SMURF2: variants seen among roughly 807,000 people sequenced by gnomAD.
SMURF2 encodes E3 ubiquitin-protein ligase SMURF2.
In SMURF2, 48 loss-of-function variants were observed where a neutral mutation model predicts 109.6. The observed-to-expected ratio is 0.44, with a 90% CI of 0.35 to 0.56. The LOEUF (loss-of-function observed/expected upper bound fraction) is 0.56. Ranked by LOEUF, SMURF2 falls within the 20% of genes least tolerant of loss-of-function variation. SMURF2 has a pLI of 0.01. For synonymous variants in SMURF2, 288 were observed against 317.1 expected, an observed-to-expected ratio of 0.91 and a Z score of 0.97; for missense variants, 575 against 909.0, an observed-to-expected ratio of 0.63 and a Z score of 4.72.
intron 4 of SMURF2, among the ~76,000 whole-genome samples, chr17:64,592,268 A>T (rs1331119761): frequency 2.6e-5 from 4 of 152,218 alleles, no homozygotes; most frequent in African/African-American, 9.7e-5. Flanking sequence ...TGAACTAGGG[A>T]TAATGTCAGA....
rs1422696582 is a variant in SMURF2 at position 64,616,358 on chromosome 17, A to C, written c.53-9718T>G. Among the ~76,000 whole-genome samples the C allele has an allele frequency of 1.3e-5, 2 of 152,092 alleles. 1 individual carries two copies. Among genetic ancestry groups the C allele is most frequent in the African/African-American group, 4.8e-5 (2 of 41,422 alleles). On this transcript the variant is annotated intron_variant, in intron 1 of 18. Coordinates refer to ENST00000262435, the MANE Select transcript of SMURF2 (RefSeq NM_022739.4). ...AGACTTACCAGTGATTTTGCTTTTA[A>C]GAGCTAGAGTTGGCTGGGCACGGTG...
chr17:64,648,083 A>C (rs1206763799), intron 1 of SMURF2, among the ~76,000 whole-genome samples: 32 of 149,396 alleles, frequency 2.1e-4, no homozygotes, highest in East Asian at 7.8e-4. Flanking sequence ...AAAAAAAAAA[A>C]AAAAAAAAAC....
chr17:64,649,971 G>A (rs1167156907), intron 1 of SMURF2, among the ~76,000 whole-genome samples: 1 of 151,778 alleles, frequency 6.6e-6, no homozygotes, highest in Non-Finnish European at 1.5e-5. Flanking sequence ...TGCCTAGCTA[G>A]GATTTCAATC....
At chr17:64,574,630 C>T (rs564865330) in intron 9 of SMURF2, among the ~76,000 whole-genome samples, 1 of 152,186 alleles carries the variant, frequency 6.6e-6, no homozygotes, top group South Asian at 2.1e-4. Flanking sequence ...TCCTCCAAAA[C>T]AAAAGATGTA....
At chr17:64,575,257 A>G (rs777883130) in intron 9 of SMURF2, among the ~76,000 whole-genome samples, 12 of 151,834 alleles carry the variant, frequency 7.9e-5, no homozygotes, top group Non-Finnish European at 1.5e-4. Context: ...AGGTTCAAGC[A>G]ATTCTTCTTC....
At chr17:64,631,952 C>CT (rs1316727896) in intron 1 of SMURF2, among the ~76,000 whole-genome samples, 2 of 30,740 alleles carry the variant, frequency 6.5e-5, no homozygotes, top group Non-Finnish European at 1.3e-4. Context: ...CTAAGACTCT[C>CT]TTTTTTTGCG....
Position 64,661,901 on chromosome 17 carries a change from CG to C in SMURF2, c.-22del. Reference sequence around the variant, plus strand: ...GACATGTCCCCGGCGGCGGGGGCGGCGGGGGCGGCGGGCGGCACGGGGGCGA... The same window carrying C: ...GACATGTCCCCGGCGGCGGGGGCGGCGGGGCGGCGGGCGGCACGGGGGCGA... On this transcript the variant is annotated 5_prime_UTR_variant, in exon 1 of 19. Coordinates refer to ENST00000262435, the MANE Select transcript of SMURF2 (RefSeq NM_022739.4). 1 of 1,181,646 alleles carries C rather than the reference CG, an allele frequency of 8.5e-7. No homozygotes were observed. Among genetic ancestry groups the C allele is most frequent in the South Asian group, 4.2e-5 (1 of 23,688 alleles). The allele number at this position is 1,181,646 out of a possible 1,614,324, so 73.2% of individuals were successfully genotyped here.
At chr17:64,590,144 CTT>C (rs200015210) in intron 5 of SMURF2, among the ~76,000 whole-genome samples, 27 of 136,786 alleles carry the variant, frequency 2.0e-4, no homozygotes, top group Non-Finnish European at 2.2e-4. Flanking sequence ...TTTTTCTTTT[CTT>C]TTTTTTTTTT....
chr17:64,631,997 C>T (rs530103903), intron 1 of SMURF2, among the ~76,000 whole-genome samples: 3 of 146,314 alleles, frequency 2.1e-5, no homozygotes, highest in East Asian at 4.1e-4. Context: ...GAGGCACACT[C>T]GCCCACGCTG....
intron 1 of SMURF2, among the ~76,000 whole-genome samples, chr17:64,619,864 T>G (rs1470677108): frequency 6.6e-6 from 1 of 152,146 alleles, no homozygotes; most frequent in African/African-American, 2.4e-5. Flanking sequence ...ACACATTCCA[T>G]TCATAGCAAA....
chr17:64,583,423 C>G, intron 7 of SMURF2, 38 bp downstream of exon 7: 1 of 1,530,614 alleles, frequency 6.5e-7, no homozygotes, highest in Non-Finnish European at 9.1e-7. Flanking sequence ...AGGAGGGTGG[C>G]TGGCATAGAT....
At chr17:64,630,519 C>T (rs995447259) in intron 1 of SMURF2, among the ~76,000 whole-genome samples, 3 of 152,078 alleles carry the variant, frequency 2.0e-5, no homozygotes, top group Non-Finnish European at 4.4e-5. Context: ...CAAACTGGCG[C>T]AACAGGTTAG....
At chr17:64,636,640 A>T (rs1409597473) in intron 1 of SMURF2, among the ~76,000 whole-genome samples, 1 of 145,210 alleles carries the variant, frequency 6.9e-6, no homozygotes, top group Admixed American at 7.1e-5. Context: ...TTAGCTGGGC[A>T]TGGTGGTGTG....
At chr17:64,561,324 C>T (rs1373852718) in intron 12 of SMURF2, among the ~76,000 whole-genome samples, 176 bp downstream of exon 12, 15 of 152,224 alleles carry the variant, frequency 9.9e-5, no homozygotes, top group African/African-American at 2.9e-4. Flanking sequence ...AATACTTGTC[C>T]GGTAGCAGTG....
At chr17:64,627,394 G>A (rs2144703552) in intron 1 of SMURF2, among the ~76,000 whole-genome samples, 1 of 152,314 alleles carries the variant, frequency 6.6e-6, no homozygotes, top group African/African-American at 2.4e-5. Context: ...GGGATTACAG[G>A]CGTTAGCCAC....
intron 8 of SMURF2, 39 bp from the exon 9 acceptor site, chr17:64,578,615 A>C (rs371503163): frequency 7.1e-7 from 1 of 1,398,832 alleles, no homozygotes. Context: ...AAACATTCAG[A>C]GTGTCCAGAT....
intron 1 of SMURF2, among the ~76,000 whole-genome samples, chr17:64,613,045 T>C (rs375291543): frequency 7.2e-5 from 11 of 152,364 alleles, no homozygotes; most frequent in African/African-American, 2.4e-4. Flanking sequence ...CTCTGATTTG[T>C]AACTTTTAAA....
chr17:64,596,826 A>G (rs1451218264), intron 3 of SMURF2, among the ~76,000 whole-genome samples: 1 of 152,156 alleles, frequency 6.6e-6, no homozygotes, highest in Non-Finnish European at 1.5e-5. Flanking sequence ...TCTATAGGAG[A>G]GTCTGAGGAT....
At chr17:64,611,443 C>A (rs1054600533) in intron 1 of SMURF2, among the ~76,000 whole-genome samples, 1 of 152,250 alleles carries the variant, frequency 6.6e-6, no homozygotes, top group East Asian at 1.9e-4. Flanking sequence ...CCAAAAATCA[C>A]GTCTTCCCCG....
Sources: allele counts gnomAD v4.1 joint callset (sites outside exome capture counted in the v4.1 genomes callset), GRCh38; gene constraint gnomAD v4.1.1; transcripts MANE v1.5; gene names NCBI Gene and HGNC (gene_info 2026-07-23, HGNC 2026-07-21).